The following VWA3B variants were observed in gnomAD, a reference collection of about 807,000 sequenced individuals.
VWA3B encodes von Willebrand factor A domain containing 3B, also known as von Willebrand factor A domain-containing protein 3B.
In VWA3B, 138 loss-of-function variants were observed where a neutral mutation model predicts 158.3. The observed-to-expected ratio is 0.87, with a 90% confidence interval of 0.76 to 1.00. The LOEUF (loss-of-function observed/expected upper bound fraction) is 1.00, where lower values mean the gene tolerates loss of function less well. VWA3B is among the 50% of genes least tolerant of loss of function. The pLI, the probability that VWA3B is intolerant of heterozygous loss-of-function variation, is 0.00. For missense variants in VWA3B, 1,555 were observed against 1,565.1 expected (o/e 0.99, Z 0.11); for synonymous variants, 596 against 587.3 (o/e 1.01, Z -0.21).
intron 1 of VWA3B, among the ~76,000 whole-genome samples, chr2:98,091,714 G>C (rs1398061873): frequency 6.6e-6 from 1 of 152,172 alleles, no homozygotes; most frequent in East Asian, 1.9e-4. Flanking sequence ...TTTTGTGTTT[G>C]ACTGAATTTC....
chr2:98,115,153 A>G (rs1436725023), intron 2 of VWA3B, among the ~76,000 whole-genome samples: 1 of 151,510 alleles, frequency 6.6e-6, no homozygotes, highest in Non-Finnish European at 1.5e-5. Context: ...CCAAAGTACA[A>G]GGAAACTAGG....
chr2:98,330,259 GCT>G, the VWA3B span, among the ~76,000 whole-genome samples: 1 of 152,080 alleles, frequency 6.6e-6, no homozygotes, highest in Non-Finnish European at 1.5e-5. Flanking sequence ...TAACTAAGGG[GCT>G]CTTTTCCCTT....
chr2:98,131,114 C>T (rs1675835948), intron 6 of VWA3B, among the ~76,000 whole-genome samples: 1 of 152,188 alleles, frequency 6.6e-6, no homozygotes, highest in Non-Finnish European at 1.5e-5. Context: ...CCGATCCTCA[C>T]ACCTTTCCCA....
chr2:98,164,723 T>A (rs1432121270), intron 8 of VWA3B, among the ~76,000 whole-genome samples: 1 of 152,228 alleles, frequency 6.6e-6, no homozygotes, highest in East Asian at 1.9e-4. Flanking sequence ...CTATTCTGAG[T>A]AAATGAAAGC....
At chr2:98,218,808 G>C (rs1209973812) in intron 14 of VWA3B, among the ~76,000 whole-genome samples, 3 of 152,182 alleles carry the variant, frequency 2.0e-5, no homozygotes, top group Non-Finnish European at 4.4e-5. Context: ...TGAGACTAGG[G>C]AATGAATCAT....
intron 8 of VWA3B, among the ~76,000 whole-genome samples, chr2:98,176,047 G>T (rs556689211): frequency 3.3e-5 from 5 of 152,274 alleles, no homozygotes; most frequent in African/African-American, 1.2e-4. Flanking sequence ...CTGGCTCCCG[G>T]ATCTCAGATT....
chr2:98,094,548 A>G (rs1682580792), intron 2 of VWA3B, among the ~76,000 whole-genome samples: 1 of 152,068 alleles, frequency 6.6e-6, no homozygotes, highest in Admixed American at 6.5e-5. Flanking sequence ...GTAGTTTGCA[A>G]ATATTTTCCC....
intron 7 of VWA3B, among the ~76,000 whole-genome samples, chr2:98,160,084 A>C (rs1678446916): frequency 6.6e-6 from 1 of 151,426 alleles, no homozygotes; most frequent in African/African-American, 2.4e-5. Context: ...TAGCCTGGAG[A>C]ATTTCAAATT....
intron 12 of VWA3B, among the ~76,000 whole-genome samples, chr2:98,210,056 G>A (rs2105534340): frequency 6.6e-6 from 1 of 152,294 alleles, no homozygotes; most frequent in East Asian, 1.9e-4. Flanking sequence ...GGGATGGGGA[G>A]CAGACCACAG....
chr2:98,246,044 A>G (rs560437488), intron 19 of VWA3B, among the ~76,000 whole-genome samples: 1 of 151,912 alleles, frequency 6.6e-6, no homozygotes, highest in Non-Finnish European at 1.5e-5. Flanking sequence ...CTTTCTCTTC[A>G]GTTTTCTAAA....
chr2:98,262,229 C>T (rs1416968281), intron 21 of VWA3B, among the ~76,000 whole-genome samples: 3 of 151,742 alleles, frequency 2.0e-5, no homozygotes, highest in African/African-American at 4.8e-5. Flanking sequence ...TTTTAGGTTG[C>T]TGTTTCACTC....
chr2:98,237,043 G>T (rs1322691484), intron 19 of VWA3B, among the ~76,000 whole-genome samples: 9 of 152,206 alleles, frequency 5.9e-5, no homozygotes, highest in Admixed American at 2.6e-4. Flanking sequence ...AGGCATGGTG[G>T]CATGCACCTG....
intron 25 of VWA3B, among the ~76,000 whole-genome samples, chr2:98,303,033 C>A (rs1690291762): frequency 6.6e-6 from 1 of 152,184 alleles, no homozygotes; most frequent in African/African-American, 2.4e-5. Flanking sequence ...TCTGGAAGGG[C>A]AGAGCATGGG....
chr2:98,139,930 T>C (rs548119271), intron 7 of VWA3B, among the ~76,000 whole-genome samples: 21 of 152,296 alleles, frequency 1.4e-4, no homozygotes, highest in African/African-American at 5.1e-4. Context: ...CCATACTGTT[T>C]TCATGAGCTG....
chr2:98,236,817 A>T, intron 19 of VWA3B, 87 bp downstream of exon 19: 1 of 1,506,254 alleles, frequency 6.6e-7, no homozygotes, highest in Admixed American at 2.1e-5. Flanking sequence ...GTGTGGTTGT[A>T]ACAGAAATGT....
At chr2:98,108,034 T>C (rs1322670130) in intron 2 of VWA3B, among the ~76,000 whole-genome samples, 1 of 152,078 alleles carries the variant, frequency 6.6e-6, no homozygotes, top group African/African-American at 2.4e-5. Flanking sequence ...GCTTTAGCAA[T>C]GTCTCACAAA....
chr2:98,140,558 C>T (rs1165151390), intron 7 of VWA3B, among the ~76,000 whole-genome samples: 1 of 152,210 alleles, frequency 6.6e-6, no homozygotes, highest in East Asian at 1.9e-4. Context: ...AGCACCTTCC[C>T]TCCCATACTT....
chr2:98,272,763 A>G (rs147612174), intron 22 of VWA3B, among the ~76,000 whole-genome samples: 278 of 152,372 alleles, frequency 1.8e-3, no homozygotes, highest in African/African-American at 6.6e-3. Context: ...TATATATGCC[A>G]TGTAAATATA....
rs116740774 is a variant in VWA3B, at chr2:98,110,108, C to T, written c.197-5544C>T. ...TTTTTTTTTCTTCTTTTTCTTCCCC[C>T]TACCCTCTTTCTCTTCTCCTTCTGG... is the stretch of plus-strand genomic sequence containing the variant. On this transcript the variant is annotated intron_variant, in intron 2 of 27. Transcript: ENST00000477737. Among the ~76,000 whole-genome samples, 411 of 150,804 alleles carry T rather than the reference C, an allele frequency of 2.7e-3. 3 individuals are homozygous for T. Among genetic ancestry groups the T allele is most frequent in the African/African-American group, 9.7e-3 (399 of 41,174 alleles).
Sources: allele counts gnomAD v4.1 joint callset (sites outside exome capture counted in the v4.1 genomes callset), GRCh38; gene constraint gnomAD v4.1.1; transcripts MANE v1.5; gene names NCBI Gene and HGNC (gene_info 2026-07-23, HGNC 2026-07-21).